Variants in FAF1 observed in about 807,000 individuals in gnomAD.
The protein encoded by FAF1 is FAS-associated factor 1.
In FAF1, 25 loss-of-function variants were observed where a neutral mutation model predicts 92.5. That is an observed-to-expected ratio of 0.27 (90% CI 0.20 to 0.38). The LOEUF (loss-of-function observed/expected upper bound fraction) is 0.38, where lower values mean the gene tolerates loss of function less well. FAF1 is among the 10% of genes least tolerant of loss of function. The pLI is 1.00. For missense variants in FAF1, 636 were observed against 793.3 expected (o/e 0.80, Z 2.38); for synonymous variants, 234 against 273.2 (o/e 0.86, Z 1.42).
At chr1:50,939,513 T>C (rs1645112889) in intron 1 of FAF1, among the ~76,000 whole-genome samples, 1 of 152,180 alleles carries the variant, frequency 6.6e-6, no homozygotes, top group African/African-American at 2.4e-5. Context: ...TCATTCCCTA[T>C]TTGAATGCCT....
At chr1:50,654,880 T>C (rs1655032996) in intron 8 of FAF1, among the ~76,000 whole-genome samples, 1 of 152,196 alleles carries the variant, frequency 6.6e-6, no homozygotes, top group Non-Finnish European at 1.5e-5. Flanking sequence ...CAACAGAATG[T>C]TGACCTGCTT....
At chr1:50,603,948 G>A (rs1246855491) in intron 8 of FAF1, among the ~76,000 whole-genome samples, 1 of 152,172 alleles carries the variant, frequency 6.6e-6, no homozygotes, top group Non-Finnish European at 1.5e-5. Context: ...GCCTGGCCTT[G>A]CTGCGTTATA....
At chr1:50,945,121 G>A (rs1233015674) in intron 1 of FAF1, among the ~76,000 whole-genome samples, 1 of 152,192 alleles carries the variant, frequency 6.6e-6, no homozygotes, top group African/African-American at 2.4e-5. Context: ...AGGGAGCATG[G>A]AAGCATCAAA....
chr1:50,638,014 C>T (rs191544975), intron 8 of FAF1, among the ~76,000 whole-genome samples: 1 of 151,824 alleles, frequency 6.6e-6, no homozygotes, highest in Non-Finnish European at 1.5e-5. Flanking sequence ...ATGTATAGAT[C>T]TTATAAATAT....
intron 14 of FAF1, among the ~76,000 whole-genome samples, chr1:50,538,585 T>C (rs1255180713): frequency 2.0e-5 from 3 of 150,556 alleles, no homozygotes; most frequent in Non-Finnish European, 3.0e-5. Flanking sequence ...TTATTACAGT[T>C]AGGAAAATAA....
chr1:50,611,248 C>G (rs547054456), intron 8 of FAF1, among the ~76,000 whole-genome samples: 2 of 152,146 alleles, frequency 1.3e-5, no homozygotes, highest in Admixed American at 1.3e-4. Context: ...AAAGACTTAG[C>G]TTTGTATTAG....
intron 2 of FAF1, among the ~76,000 whole-genome samples, chr1:50,817,781 C>G (rs564921161): frequency 2.0e-5 from 3 of 151,956 alleles, no homozygotes; most frequent in Non-Finnish European, 2.9e-5. Flanking sequence ...TTGCATAACC[C>G]TGTGAATATA....
intron 7 of FAF1, among the ~76,000 whole-genome samples, chr1:50,682,437 T>C (rs556530243): frequency 5.3e-5 from 8 of 152,132 alleles, no homozygotes; most frequent in Non-Finnish European, 1.0e-4. Context: ...AGCAGGGAGA[T>C]TGAGGTTGCA....
chr1:50,504,752 C>T (rs542251277), intron 15 of FAF1, among the ~76,000 whole-genome samples: 44 of 152,236 alleles, frequency 2.9e-4, no homozygotes, highest in Non-Finnish European at 4.7e-4. Context: ...GAATACCAGC[C>T]CTGATTCTTA....
intron 1 of FAF1, among the ~76,000 whole-genome samples, chr1:50,925,995 C>A (rs1057503592): frequency 6.6e-6 from 1 of 152,222 alleles, no homozygotes; most frequent in East Asian, 1.9e-4. Flanking sequence ...GCAGGAGGGT[C>A]GCTTAAGGCC....
Position 50,567,301 on chromosome 1 carries a change from GC to G in FAF1, c.1114-71del, listed in dbSNP as rs2149056563. The G allele has an allele frequency of 2.5e-6, 3 of 1,195,716 alleles. No individual in the cohort carries two copies. In the East Asian group the frequency reaches 7.2e-5, roughly 29 times the overall value. The allele number at this position is 1,195,716 out of a possible 1,614,324, so 74.1% of individuals were successfully genotyped here. ...GTAAGATTTCTTAAATTTTAGAGAGGCATAATTAGTCTATATGAACAGCAAA... is the reference window on the plus strand; with the variant it reads ...GTAAGATTTCTTAAATTTTAGAGAGGATAATTAGTCTATATGAACAGCAAA... On this transcript the variant is annotated intron_variant, in intron 12 of 18. Coordinates refer to ENST00000396153, the MANE Select transcript of FAF1 (RefSeq NM_007051.3).
chr1:50,918,283 C>T (rs1330185204), intron 1 of FAF1, among the ~76,000 whole-genome samples: 1 of 122,528 alleles, frequency 8.2e-6, no homozygotes, highest in Non-Finnish European at 1.7e-5. Context: ...TGCTGGTGTG[C>T]TGCACCCACT....
chr1:50,815,585 G>A (rs1312417950), intron 2 of FAF1, among the ~76,000 whole-genome samples: 1 of 152,204 alleles, frequency 6.6e-6, no homozygotes, highest in Non-Finnish European at 1.5e-5. Context: ...TTGCTGGGTA[G>A]AACGGCAGTT....
intron 3 of FAF1, among the ~76,000 whole-genome samples, chr1:50,790,654 C>T (rs891194845): frequency 1.3e-5 from 2 of 151,446 alleles, no homozygotes; most frequent in Admixed American, 1.3e-4. Context: ...AGGAGTGTTT[C>T]AGTTGTAACA....
At chr1:50,826,842 A>C (rs1345502402) in intron 2 of FAF1, among the ~76,000 whole-genome samples, 1 of 152,252 alleles carries the variant, frequency 6.6e-6, no homozygotes, top group Non-Finnish European at 1.5e-5. Flanking sequence ...CCAAATCTTT[A>C]ATTAAAAACC....
At chr1:50,479,153 T>G (rs1646671652) in intron 17 of FAF1, among the ~76,000 whole-genome samples, 1 of 152,038 alleles carries the variant, frequency 6.6e-6, no homozygotes, top group Non-Finnish European at 1.5e-5. Flanking sequence ...ACAGTCTTTA[T>G]GAATTTCAGT....
chr1:50,685,529 T>C (rs1464943427), intron 7 of FAF1, among the ~76,000 whole-genome samples: 15 of 152,332 alleles, frequency 9.8e-5, no homozygotes, highest in Non-Finnish European at 2.9e-5. Context: ...TGTGAACTCT[T>C]AAATACTACT....
intron 15 of FAF1, among the ~76,000 whole-genome samples, chr1:50,533,315 C>T (rs1648281232): frequency 6.6e-6 from 1 of 152,106 alleles, no homozygotes; most frequent in Non-Finnish European, 1.5e-5. Flanking sequence ...TCAAGTGATC[C>T]ATCCACCTTG....
intron 8 of FAF1, among the ~76,000 whole-genome samples, chr1:50,624,321 G>T (rs1653362985): frequency 6.6e-6 from 1 of 151,982 alleles, no homozygotes; most frequent in African/African-American, 2.4e-5. Context: ...CTAATTTTTT[G>T]TATTTTTTAG....
Sources: allele counts gnomAD v4.1 joint callset (sites outside exome capture counted in the v4.1 genomes callset), GRCh38; gene constraint gnomAD v4.1.1; transcripts MANE v1.5; gene names NCBI Gene and HGNC (gene_info 2026-07-23, HGNC 2026-07-21).